ZFYVE16: variants seen among roughly 807,000 people sequenced by gnomAD.
ZFYVE16 encodes the protein zinc finger FYVE domain-containing protein 16.
ZFYVE16 carries 89 observed loss-of-function variants against 138.1 expected under a neutral mutation model. The observed-to-expected ratio is 0.64, with a 90% CI of 0.54 to 0.77. The LOEUF is 0.77. Ranked by LOEUF, ZFYVE16 falls within the 30% of genes least tolerant of loss-of-function variation. The probability of loss-of-function intolerance (pLI) is 0.00; values close to 1 mark genes in which losing one functional copy is unlikely to be tolerated. For missense variants in ZFYVE16, 1,793 were observed against 1,786.7 expected (o/e 1.00, Z -0.06); for synonymous variants, 596 against 618.3 (o/e 0.96, Z 0.53).
chr5:80,469,475 T>C (rs933691074), intron 15 of ZFYVE16, among the ~76,000 whole-genome samples: 10 of 152,106 alleles, frequency 6.6e-5, no homozygotes, highest in Admixed American at 5.9e-4. Flanking sequence ...TCTTCTGGAC[T>C]CAAGTGATCC....
chr5:80,445,086 C>G (rs1751149139), intron 6 of ZFYVE16, among the ~76,000 whole-genome samples, 177 bp from the exon 7 acceptor site: 1 of 152,164 alleles, frequency 6.6e-6, no homozygotes, highest in African/African-American at 2.4e-5. Context: ...TAGAAACAGA[C>G]TCCACTTAGG....
rs201312358 is a variant in ZFYVE16, at chr5:80,437,207, T to G, written c.522T>G (p.Cys174Trp). ...TATCTTCAGTGTCAGATACTCCCTG[T>G]GTTTCTTCAACAGACCATGATAGTG... ...LDLSSVSDTP[C>W]VSSTDHDSDT... The change falls in exon 4 of 19, where the codon TGT becomes TGG. Residue 174 changes from cysteine to tryptophan, a missense_variant. This residue lies in a region of ZFYVE16 where 1,295 missense variants were observed against 1,204.3 expected (regional missense o/e 1.08). Transcript: ENST00000505560. The G allele has an allele frequency of 6.2e-7, 1 of 1,614,058 alleles. No homozygotes were observed. Among genetic ancestry groups the G allele is most frequent in the Non-Finnish European group, 8.5e-7 (1 of 1,179,994 alleles).
chr5:80,477,805 A>G lies in ZFYVE16; in HGVS notation c.*428A>G, dbSNP rs1204955700. ...GAATACTGGTTTCTAAAGTCTGTCA[A>G]ATTGTATTTCAGTGGCACAAAAACC... On this transcript the variant is annotated 3_prime_UTR_variant, in exon 19 of 19. Coordinates refer to ENST00000505560, the MANE Select transcript of ZFYVE16 (RefSeq NM_001284236.3). 1 of 152,454 alleles carries G rather than the reference A, an allele frequency of 6.6e-6. No individual in the cohort carries two copies. Among genetic ancestry groups the G allele is most frequent in the East Asian group, 1.9e-4 (1 of 5,210 alleles). The allele number at this position is 152,454 out of a possible 1,614,324, so 9.4% of individuals were successfully genotyped here.
chr5:80,438,679 TG>T lies in ZFYVE16; in HGVS notation c.1995del (p.Asn666IlefsTer9). 1 of 1,614,102 alleles carries T rather than the reference TG, an allele frequency of 6.2e-7. No homozygotes were observed. The highest frequency in any genetic ancestry group is 8.5e-7 in the Non-Finnish European group (1 of 1,179,986). Reference sequence around the variant, plus strand: ...TCAAGAACAAGGAGTTCAAAGGACCTGAATAAGCCAGATGTTCCAGATACAA... The same window carrying T: ...TCAAGAACAAGGAGTTCAAAGGACCTAATAAGCCAGATGTTCCAGATACAA... ...LPSRTRSSKD[L>X]NKPDVPDTIE... On this transcript the variant is annotated frameshift_variant, in exon 4 of 19. Coordinates refer to ENST00000505560, the MANE Select transcript of ZFYVE16 (RefSeq NM_001284236.3). LOFTEE classifies it high-confidence loss of function.
chr5:80,459,630 C>T, intron 15 of ZFYVE16, 136 bp downstream of exon 15: 1 of 671,322 alleles, frequency 1.5e-6, no homozygotes, highest in Admixed American at 3.3e-5. Context: ...AATCATCAAC[C>T]AGCACAAGAA....
intron 5 of ZFYVE16, chr5:80,441,107 C>T (rs1438157424): frequency 6.1e-6 from 6 of 985,208 alleles, no homozygotes; most frequent in Non-Finnish European, 7.2e-6. Context: ...TTTCAGTAGC[C>T]TAGAAGATGA....
chr5:80,407,653 G>C (rs1003655521), upstream of ZFYVE16, among the ~76,000 whole-genome samples: 1 of 152,352 alleles, frequency 6.6e-6, no homozygotes, highest in East Asian at 1.9e-4. Flanking sequence ...GGCCTAGCCC[G>C]CTGCCGGGAA....
At position 80,436,785 on chromosome 5, in the gene ZFYVE16, A is replaced by T. The variant is rs188700176; in HGVS notation, c.100A>T (p.Asn34Tyr). 4.1e-5 allele frequency: 66 copies of T among 1,613,286 alleles called. No homozygotes were observed. The East Asian group carries it at 1.3e-3, about 33-fold the overall frequency. The change falls in exon 4 of 19, where the codon AAT becomes TAT. Residue 34 changes from asparagine (N) to tyrosine (Y), a missense_variant. Transcript: ENST00000505560. ...ACAAGATTATCTCCAAGATGTACAA[A>T]ATGCATATGATTCTAACCACTGCTC... ...DEQDYLQDVQ[N>Y]AYDSNHCSVS... is the part of the protein sequence containing the mutation.
chr5:80,481,313 A>G lies in ZFYVE16; in HGVS notation c.*3936A>G, dbSNP rs985772285. ...GGGTTCTAGAAACCAGAGTATAGGTAAGATCACAAATAGGAGGGAACTGAA... is the reference window on the plus strand; with the variant it reads ...GGGTTCTAGAAACCAGAGTATAGGTGAGATCACAAATAGGAGGGAACTGAA... On this transcript the variant is annotated 3_prime_UTR_variant, in exon 19 of 19. Transcript: ENST00000505560. 2.0e-5 allele frequency among the ~76,000 whole-genome samples: 3 copies of G among 152,234 alleles called. No homozygotes were observed. The highest frequency in any genetic ancestry group is 7.2e-5 in the African/African-American group (3 of 41,470).
At position 80,438,785 on chromosome 5, in the gene ZFYVE16, C is replaced by T. The variant is rs1750311901; in HGVS notation, c.2100C>T (p.Ser700=). ...AIDSTADPQV[S]FNSNYIDIES... ...ATTCTACAGCTGATCCACAGGTTAG[C>T]TTCAACTCTAATTACATTGATATAG... is the stretch of plus-strand genomic sequence containing the variant. The change falls in exon 4 of 19, where the codon AGC becomes AGT. Residue 700 remains serine, a synonymous_variant. Transcript: ENST00000505560. 1.9e-6 allele frequency: 3 copies of T among 1,614,082 alleles called. No individual in the cohort carries two copies. Among genetic ancestry groups the T allele is most frequent in the Non-Finnish European group, 2.5e-6 (3 of 1,179,982 alleles).
At chr5:80,432,919 G>A (rs1014435230) in intron 2 of ZFYVE16, among the ~76,000 whole-genome samples, 2 of 152,126 alleles carry the variant, frequency 1.3e-5, no homozygotes, top group African/African-American at 2.4e-5. Context: ...TTAGAATGGC[G>A]ATCCTTAAAA....
At chr5:80,416,158 G>C (rs1478063928) in intron 1 of ZFYVE16, among the ~76,000 whole-genome samples, 1 of 149,708 alleles carries the variant, frequency 6.7e-6, no homozygotes, top group Non-Finnish European at 1.5e-5. Context: ...TAAATTATTT[G>C]GATTTTTTTT....
chr5:80,443,261 CACTTA>C lies in ZFYVE16; in HGVS notation c.2560_2564del (p.Leu854ThrfsTer5). 2 of 1,609,670 alleles carry C rather than the reference CACTTA, an allele frequency of 1.2e-6. No individual in the cohort carries two copies. Among genetic ancestry groups the C allele is most frequent in the South Asian group, 2.2e-5 (2 of 89,984 alleles). ...TCACCAGCAACTTTGCCAGTCTCAG[CACTTA>C]AACAACCAGGTGTTGAAGGTAATAG... On this transcript the variant is annotated frameshift_variant, in exon 6 of 19. Transcript: ENST00000505560. LOFTEE classifies it high-confidence loss of function.
intron 1 of ZFYVE16, among the ~76,000 whole-genome samples, chr5:80,417,701 G>A (rs1013067004): frequency 2.0e-5 from 3 of 152,118 alleles, no homozygotes; most frequent in Non-Finnish European, 2.9e-5. Flanking sequence ...ATGTGTGATG[G>A]TTTGTTTATC....
At chr5:80,474,284 C>A (rs1223834281) in intron 17 of ZFYVE16, among the ~76,000 whole-genome samples, 1 of 151,704 alleles carries the variant, frequency 6.6e-6, no homozygotes, top group Non-Finnish European at 1.5e-5. Flanking sequence ...CCTCCTTATT[C>A]CCCCTCATAT....
At chr5:80,439,672 T>C (rs769585076) in intron 4 of ZFYVE16, among the ~76,000 whole-genome samples, 4 of 152,188 alleles carry the variant, frequency 2.6e-5, no homozygotes, top group Non-Finnish European at 4.4e-5. Flanking sequence ...TCATTAAAGA[T>C]AGTTTTTGTT....
At chr5:80,453,543 C>T (rs1322637376) in intron 11 of ZFYVE16, among the ~76,000 whole-genome samples, 1 of 152,170 alleles carries the variant, frequency 6.6e-6, no homozygotes, top group African/African-American at 2.4e-5. Flanking sequence ...ACTGAAACTG[C>T]AAAGCTATGA....
chr5:80,421,530 A>G (rs1243851753), intron 1 of ZFYVE16, among the ~76,000 whole-genome samples: 1 of 152,172 alleles, frequency 6.6e-6, no homozygotes, highest in African/African-American at 2.4e-5. Flanking sequence ...CAGTTTTCCC[A>G]GCACCATTTA....
chr5:80,466,380 C>T (rs1305656159), intron 15 of ZFYVE16, among the ~76,000 whole-genome samples: 1 of 152,090 alleles, frequency 6.6e-6, no homozygotes, highest in African/African-American at 2.4e-5. Flanking sequence ...TTGTTGAGCT[C>T]CACTAGTGAA....
Sources: allele counts gnomAD v4.1 joint callset (sites outside exome capture counted in the v4.1 genomes callset), GRCh38; gene constraint gnomAD v4.1.1; regional missense constraint gnomAD v4.1.1; transcripts MANE v1.5; gene names NCBI Gene and HGNC (gene_info 2026-07-23, HGNC 2026-07-21).